ADGRG2: variants seen among roughly 807,000 people sequenced by gnomAD.
ADGRG2 encodes adhesion G protein-coupled receptor G2.
Under a neutral mutation model 74.1 loss-of-function variants are expected in ADGRG2, and 26 were observed. That is an observed-to-expected ratio of 0.35 (90% CI 0.26 to 0.49). The LOEUF (loss-of-function observed/expected upper bound fraction) is 0.49, where lower values mean the gene tolerates loss of function less well. Ranked by LOEUF, ADGRG2 falls within the 20% of genes least tolerant of loss-of-function variation. The pLI, the probability that ADGRG2 is intolerant of heterozygous loss-of-function variation, is 0.99. For synonymous variants in ADGRG2, 296 were observed against 295.2 expected, an observed-to-expected ratio of 1.00 and a Z score of -0.03; for missense variants, 619 against 763.1, an observed-to-expected ratio of 0.81 and a Z score of 2.22.
At chrX:19,004,951 A>G in intron 22 of ADGRG2, 72 bp from the exon 23 acceptor site, 3 of 822,823 alleles carry the variant, frequency 3.6e-6, no homozygotes, top group Non-Finnish European at 5.2e-6. Context: ...TGTATCAAGT[A>G]TTCTAGGGAT....
intron 1 of ADGRG2, among the ~76,000 whole-genome samples, chrX:19,098,856 T>C (rs2062141256): frequency 8.9e-6 from 1 of 111,954 alleles, no homozygotes; most frequent in Non-Finnish European, 1.9e-5. Flanking sequence ...CAGAAATCAG[T>C]TCAGACTTAA....
chrX:19,094,561 G>A (rs1004518954), intron 1 of ADGRG2, among the ~76,000 whole-genome samples: 3 of 111,921 alleles, frequency 2.7e-5, no homozygotes, highest in African/African-American at 9.8e-5. Flanking sequence ...TGATGGGTTT[G>A]CTGGGCTGCG....
chrX:19,000,277 G>A (rs143754029), intron 24 of ADGRG2, among the ~76,000 whole-genome samples: 4,827 of 111,829 alleles, frequency 0.043, 111 homozygotes, highest in Non-Finnish European at 0.065. Flanking sequence ...GATTGCAGGC[G>A]TGAGCCACCG....
intron 7 of ADGRG2, 23 bp from the exon 8 acceptor site, chrX:19,033,677 T>C: frequency 1.5e-6 from 1 of 655,785 alleles, no homozygotes; most frequent in Non-Finnish European, 2.5e-6. Flanking sequence ...AACTTAAATA[T>C]TAGAGAATAA....
At chrX:19,064,931 G>T (rs1458756577) in intron 3 of ADGRG2, among the ~76,000 whole-genome samples, 1 of 111,014 alleles carries the variant, frequency 9.0e-6, no homozygotes, top group Non-Finnish European at 1.9e-5. Flanking sequence ...ATTTGTAAGG[G>T]CTTAGAACAG....
chrX:19,049,455 T>TGTTTTTTTTTG (rs1555901681), intron 3 of ADGRG2, among the ~76,000 whole-genome samples: 1 of 91,003 alleles, frequency 1.1e-5, no homozygotes, highest in African/African-American at 4.8e-5. Context: ...TTTTTTTTTT[T>TGTTTTTTTTTG]TTGTTGTTGT....
At chrX:19,113,952 G>C (rs775394697) in intron 1 of ADGRG2, among the ~76,000 whole-genome samples, 53 of 108,000 alleles carry the variant, frequency 4.9e-4, no homozygotes, top group Non-Finnish European at 9.4e-4. Flanking sequence ...GGCACCTGTG[G>C]TCCCAGCTAC....
intron 1 of ADGRG2, among the ~76,000 whole-genome samples, chrX:19,094,346 T>C (rs2062061776): frequency 9.0e-6 from 1 of 111,029 alleles, no homozygotes; most frequent in Admixed American, 9.6e-5. Flanking sequence ...GCTGCAATTG[T>C]ACCTCCTAAA....
At chrX:19,117,662 C>A (rs770537235) in intron 1 of ADGRG2, among the ~76,000 whole-genome samples, 1 of 110,043 alleles carries the variant, frequency 9.1e-6, no homozygotes, top group Non-Finnish European at 1.9e-5. Flanking sequence ...ACTAAAAATA[C>A]AAAAATTAGC....
intron 1 of ADGRG2, among the ~76,000 whole-genome samples, chrX:19,101,592 T>G (rs905622152): frequency 5.5e-5 from 6 of 109,561 alleles, no homozygotes; most frequent in Admixed American, 9.8e-5. Flanking sequence ...TCTCAGCTAC[T>G]TGGGAGGCTG....
At chrX:19,055,643 T>TC (rs2061400004) in intron 3 of ADGRG2, among the ~76,000 whole-genome samples, 4 of 110,401 alleles carry the variant, frequency 3.6e-5, no homozygotes, top group Non-Finnish European at 3.8e-5. Flanking sequence ...TCACCATGTG[T>TC]CAGATGCAGA....
intron 25 of ADGRG2, 76 bp downstream of exon 25, chrX:18,999,785 G>T: frequency 1.6e-6 from 1 of 627,756 alleles, no homozygotes; most frequent in Non-Finnish European, 2.7e-6. Context: ...TCAATATGCT[G>T]ATTAGATCCT....
intron 11 of ADGRG2, among the ~76,000 whole-genome samples, chrX:19,026,884 A>G (rs2060714705): frequency 8.9e-6 from 1 of 112,042 alleles, no homozygotes; most frequent in Non-Finnish European, 1.9e-5. Context: ...TCTCTGACTT[A>G]TGAATCACTG....
intron 3 of ADGRG2, among the ~76,000 whole-genome samples, chrX:19,053,849 G>A (rs976820144): frequency 9.9e-5 from 11 of 111,612 alleles, no homozygotes; most frequent in African/African-American, 3.6e-4. Flanking sequence ...GAGGAAGGAA[G>A]AGCAAAGGGA....
chrX:19,010,030 C>T (rs1272307899), intron 17 of ADGRG2, among the ~76,000 whole-genome samples: 4 of 109,656 alleles, frequency 3.6e-5, no homozygotes, highest in Non-Finnish European at 7.6e-5. Context: ...AGGATGGTCT[C>T]GATCTCCTGA....
At chrX:19,079,566 C>G (rs1214938621) in intron 2 of ADGRG2, among the ~76,000 whole-genome samples, 3 of 111,963 alleles carry the variant, frequency 2.7e-5, no homozygotes, top group Non-Finnish European at 5.6e-5. Flanking sequence ...ATGACAGAAA[C>G]TAGGTTAACT....
At chrX:19,122,802 G>A (rs1368051299), upstream of ADGRG2, among the ~76,000 whole-genome samples, 1 of 111,573 alleles carries the variant, frequency 9.0e-6, no homozygotes, top group Admixed American at 9.3e-5. Context: ...AGCGCTCCTG[G>A]GCTCCAGGCA....
intron 19 of ADGRG2, 140 bp from the exon 20 acceptor site, chrX:19,007,497 C>A: frequency 1.9e-6 from 1 of 528,126 alleles, no homozygotes; most frequent in South Asian, 3.1e-5. Flanking sequence ...AAGTGACTTT[C>A]CCAAGGGATC....
chrX:19,022,566 G>A (rs1011832693), intron 13 of ADGRG2, among the ~76,000 whole-genome samples: 1 of 111,724 alleles, frequency 9.0e-6, no homozygotes, highest in Non-Finnish European at 1.9e-5. Flanking sequence ...GTAAGCCATC[G>A]GTTTACACAG....
Sources: gnomAD v4.1 joint callset for allele counts (sites outside exome capture counted in the v4.1 genomes callset) on GRCh38, gnomAD v4.1.1 for gene constraint, MANE v1.5 for transcripts, NCBI Gene and HGNC (gene_info 2026-07-23, HGNC 2026-07-21) for gene names.